Variants in ATRNL1 observed in about 807,000 individuals in gnomAD.
ATRNL1 encodes the protein attractin like 1, also known as attractin-like protein 1.
In ATRNL1, 95 loss-of-function variants were observed where a neutral mutation model predicts 182.7. That is an observed-to-expected ratio of 0.52 (90% CI 0.44 to 0.62). The LOEUF is 0.62. Among genes scored for constraint, ATRNL1 ranks in the 20% least tolerant of loss-of-function variants. The pLI, the probability that ATRNL1 is intolerant of heterozygous loss-of-function variation, is 0.00. For missense variants in ATRNL1, 1,471 were observed against 1,679.5 expected, an observed-to-expected ratio of 0.88 and a Z score of 2.17; for synonymous variants, 576 against 568.3, an observed-to-expected ratio of 1.01 and a Z score of -0.19.
At chr10:115,317,956 G>A (rs1301076910) in intron 18 of ATRNL1, among the ~76,000 whole-genome samples, 4 of 152,096 alleles carry the variant, frequency 2.6e-5, no homozygotes, top group Non-Finnish European at 5.9e-5. Flanking sequence ...GTGAGAGAGG[G>A]CATTCTTGTC....
intron 19 of ATRNL1, among the ~76,000 whole-genome samples, chr10:115,380,119 C>T (rs1467941392): frequency 1.3e-5 from 2 of 152,256 alleles, no homozygotes; most frequent in Admixed American, 6.5e-5. Flanking sequence ...CGTGAGCCGC[C>T]GCGCCTGGCC....
At chr10:115,513,767 T>C (rs1418364789) in intron 24 of ATRNL1, among the ~76,000 whole-genome samples, 6 of 151,938 alleles carry the variant, frequency 3.9e-5, no homozygotes, top group Non-Finnish European at 8.8e-5. Flanking sequence ...TCCTGTGGAA[T>C]TTTCTATGGA....
At chr10:115,718,775 C>T (rs1373660190) in intron 26 of ATRNL1, among the ~76,000 whole-genome samples, 2 of 152,214 alleles carry the variant, frequency 1.3e-5, no homozygotes, top group South Asian at 2.1e-4. Context: ...CGTCCACTAA[C>T]GAATAGCTTT....
intron 19 of ATRNL1, among the ~76,000 whole-genome samples, chr10:115,389,042 C>T (rs1843825692): frequency 6.6e-6 from 1 of 152,066 alleles, no homozygotes; most frequent in Non-Finnish European, 1.5e-5. Context: ...CTTTGATCAA[C>T]CTTTCTTCTT....
chr10:115,829,692 T>C (rs1555093017), intron 27 of ATRNL1, among the ~76,000 whole-genome samples: 1 of 152,138 alleles, frequency 6.6e-6, no homozygotes, highest in Admixed American at 6.6e-5. Context: ...ACTTCAGTAG[T>C]TGCAAAATCA....
intron 27 of ATRNL1, among the ~76,000 whole-genome samples, chr10:115,777,062 A>T (rs1416732791): frequency 6.6e-6 from 1 of 152,220 alleles, no homozygotes; most frequent in Non-Finnish European, 1.5e-5. Flanking sequence ...GAAAAGGTGG[A>T]TTAATAAAGG....
chr10:115,486,776 C>T (rs193180904), intron 24 of ATRNL1, among the ~76,000 whole-genome samples: 8 of 152,186 alleles, frequency 5.3e-5, no homozygotes, highest in Non-Finnish European at 1.5e-5. Flanking sequence ...GCTTTTGTTG[C>T]AATTGCTTTT....
intron 19 of ATRNL1, among the ~76,000 whole-genome samples, chr10:115,340,041 G>T (rs1855666261): frequency 6.6e-6 from 1 of 152,126 alleles, no homozygotes; most frequent in Non-Finnish European, 1.5e-5. Flanking sequence ...TTGCATTCCA[G>T]GGGGATAAAT....
chr10:115,812,161 A>AGG (rs1555087143), intron 27 of ATRNL1, among the ~76,000 whole-genome samples: 3 of 151,958 alleles, frequency 2.0e-5, no homozygotes, highest in African/African-American at 7.2e-5. Flanking sequence ...TGTGTTATAT[A>AGG]TTTATATTTA....
intron 26 of ATRNL1, among the ~76,000 whole-genome samples, chr10:115,719,154 C>T (rs1947343520): frequency 6.6e-6 from 1 of 152,180 alleles, no homozygotes. Context: ...TATTCAGGAT[C>T]ATCCTTTGGA....
At chr10:115,511,033 A>G (rs1265554745) in intron 24 of ATRNL1, among the ~76,000 whole-genome samples, 1 of 152,018 alleles carries the variant, frequency 6.6e-6, no homozygotes, top group African/African-American at 2.4e-5. Context: ...ACAATATCCA[A>G]GGATTTATCA....
chr10:115,432,654 T>G (rs969899909), intron 21 of ATRNL1, among the ~76,000 whole-genome samples: 1 of 152,068 alleles, frequency 6.6e-6, no homozygotes, highest in South Asian at 2.1e-4. Context: ...AAAGTTCATT[T>G]TAAAACCAAA....
At chr10:115,430,026 G>A (rs1260313154) in intron 21 of ATRNL1, among the ~76,000 whole-genome samples, 2 of 152,230 alleles carry the variant, frequency 1.3e-5, no homozygotes, top group East Asian at 3.9e-4. Context: ...AGCCGAGATC[G>A]CGCCACTGCA....
intron 28 of ATRNL1, among the ~76,000 whole-genome samples, chr10:115,893,788 C>T (rs1952138229): frequency 6.6e-6 from 1 of 152,084 alleles, no homozygotes; most frequent in African/African-American, 2.4e-5. Context: ...TTCCATAGGA[C>T]CCCCACGCAA....
intron 28 of ATRNL1, among the ~76,000 whole-genome samples, chr10:115,848,625 G>C (rs1950984497): frequency 6.6e-6 from 1 of 152,114 alleles, no homozygotes; most frequent in South Asian, 2.1e-4. Flanking sequence ...AATTATACCT[G>C]TCCTCTTAGA....
intron 10 of ATRNL1, among the ~76,000 whole-genome samples, chr10:115,260,180 G>C (rs982047293): frequency 6.6e-6 from 1 of 152,074 alleles, no homozygotes; most frequent in Non-Finnish European, 1.5e-5. Context: ...CTCTTCTGCA[G>C]GACTTGTGTA....
rs77465514 is a variant in ATRNL1, at chr10:115,244,149, C to A, written c.1687+2424C>A. On this transcript the variant is annotated intron_variant, in intron 10 of 28. Coordinates refer to ENST00000355044, the MANE Select transcript of ATRNL1 (RefSeq NM_207303.4). ...TAGTTTTTCTTTTCACTGTGGTACA[C>A]CAGGACATTTTTGGTGCATTTATGG... Among the ~76,000 whole-genome samples the A allele has an allele frequency of 5.9e-3, 891 of 152,054 alleles. 3 individuals are homozygous for A. The highest frequency in any genetic ancestry group is 0.019 in the African/African-American group (784 of 41,504).
chr10:115,360,382 C>T (rs949113417), intron 19 of ATRNL1, among the ~76,000 whole-genome samples: 1 of 151,530 alleles, frequency 6.6e-6, no homozygotes, highest in Non-Finnish European at 1.5e-5. Flanking sequence ...ACAAACAGTT[C>T]CCCCAAATTG....
chr10:115,580,606 G>C (rs1050874129), intron 26 of ATRNL1, among the ~76,000 whole-genome samples: 1 of 151,966 alleles, frequency 6.6e-6, no homozygotes, highest in East Asian at 1.9e-4. Context: ...CCTGAGGTTT[G>C]CTGAATCTGG....
Sources: gnomAD v4.1 joint callset for allele counts (sites outside exome capture counted in the v4.1 genomes callset) on GRCh38, gnomAD v4.1.1 for gene constraint, MANE v1.5 for transcripts, NCBI Gene and HGNC (gene_info 2026-07-23, HGNC 2026-07-21) for gene names.